Variants in PHLDB3 observed in about 807,000 individuals in gnomAD.
PHLDB3 encodes pleckstrin homology-like domain family B member 3.
A neutral mutation model predicts 85.7 loss-of-function variants in PHLDB3; 86 were observed. The observed-to-expected ratio is 1.00, with a 90% CI of 0.84 to 1.20. The LOEUF (loss-of-function observed/expected upper bound fraction) is 1.20, where lower values mean the gene tolerates loss of function less well. PHLDB3 is among the 50% of genes most tolerant of loss of function. The probability of loss-of-function intolerance (pLI) is 0.00; values close to 1 mark genes in which losing one functional copy is unlikely to be tolerated. For synonymous variants in PHLDB3, 376 were observed against 349.8 expected (o/e 1.07, Z -0.83); for missense variants, 995 against 873.0 (o/e 1.14, Z -1.76).
intron 13 of PHLDB3, among the ~76,000 whole-genome samples, chr19:43,481,648 G>A (rs1456355836): frequency 6.6e-6 from 1 of 151,794 alleles, no homozygotes; most frequent in Non-Finnish European, 1.5e-5. Context: ...ACAAACATTA[G>A]CCAGGCATGG....
rs1971601852 is a variant in PHLDB3 at position 43,501,680 on chromosome 19, C to T, written c.534+54G>A. 5.1e-6 allele frequency: 8 copies of T among 1,558,340 alleles called. No individual in the cohort carries two copies. The South Asian group carries it at 8.2e-5, about 16-fold the overall frequency. ...GCGCAGGTGGCTAGGAGCACACCAA[C>T]ATCCATGGACCAGGAAGGACACTGC... On this transcript the variant is annotated intron_variant, in intron 4 of 15. Coordinates refer to ENST00000292140, the MANE Select transcript of PHLDB3 (RefSeq NM_198850.4).
chr19:43,498,963 C>T (rs919548950), intron 4 of PHLDB3, among the ~76,000 whole-genome samples: 7 of 152,028 alleles, frequency 4.6e-5, no homozygotes, highest in African/African-American at 2.4e-5. Context: ...AAGGCCAGCT[C>T]GTCCAGCTCA....
At chr19:43,501,459 A>G in intron 4 of PHLDB3, 1 of 533,016 alleles carries the variant, frequency 1.9e-6, no homozygotes, top group Non-Finnish European at 3.2e-6. Flanking sequence ...TGCTATGATT[A>G]CAGGCGTGAG....
chr19:43,490,545 G>A (rs574960632), intron 9 of PHLDB3, among the ~76,000 whole-genome samples: 3 of 152,202 alleles, frequency 2.0e-5, no homozygotes, highest in South Asian at 2.1e-4. Context: ...GCGACAGAGC[G>A]AGACTGTCTC....
In PHLDB3 at chr19:43,501,830, C is replaced by T; in HGVS notation, c.438G>A (p.Gly146=). ...CCTCCCGGCGAGCGGCCACTCGCTCCCCAGCCAGCTCACCCCGCAGCAAGG... is the reference window on the plus strand; with the variant it reads ...CCTCCCGGCGAGCGGCCACTCGCTCTCCAGCCAGCTCACCCCGCAGCAAGG... ...EVALLRGELA[G]ERVAARREEE... The change falls in exon 4 of 16, where the codon GGG becomes GGA. Residue 146 remains glycine (G), a synonymous_variant. Transcript: ENST00000292140. The T allele has an allele frequency of 6.3e-7, 1 of 1,591,292 alleles. No individual in the cohort carries two copies. The highest frequency in any genetic ancestry group is 2.3e-5 in the East Asian group (1 of 43,498).
intron 3 of PHLDB3, 106 bp downstream of exon 3, chr19:43,501,995 G>A (rs1971614730): frequency 2.0e-6 from 3 of 1,488,474 alleles, no homozygotes; most frequent in Non-Finnish European, 2.7e-6. Flanking sequence ...GGGAGGAAGA[G>A]CGGAGGGCCT....
At chr19:43,493,261 A>C (rs1971361563) in intron 9 of PHLDB3, among the ~76,000 whole-genome samples, 1 of 146,640 alleles carries the variant, frequency 6.8e-6, no homozygotes, top group African/African-American at 2.6e-5. Context: ...CCTGGCAATA[A>C]GAGTGAAACT....
intron 15 of PHLDB3, 88 bp downstream of exon 15, chr19:43,477,959 T>G (rs1970962395): frequency 9.2e-7 from 1 of 1,084,856 alleles, no homozygotes. Flanking sequence ...TGCGGGTGGC[T>G]TTCCCCAGGA....
rs767939251 is a variant in PHLDB3 at position 43,475,409 on chromosome 19, C to A, written c.*1G>T. On this transcript the variant is annotated 3_prime_UTR_variant, in exon 16 of 16. Coordinates refer to ENST00000292140, the MANE Select transcript of PHLDB3 (RefSeq NM_198850.4). ...ACTTCCCCCCAAGAGGGCGGGGCCA[C>A]TCAGGGGGCGTGGTTTTCGTCAGCG... 6.2e-7 allele frequency: 1 copy of A among 1,613,876 alleles called. No homozygotes were observed.
intron 13 of PHLDB3, among the ~76,000 whole-genome samples, chr19:43,482,621 C>A (rs1376604894): frequency 6.6e-6 from 1 of 152,166 alleles, no homozygotes; most frequent in Non-Finnish European, 1.5e-5. Flanking sequence ...TCATTGCAAC[C>A]TCTGCTTCCC....
chr19:43,487,468 G>A (rs537192418), intron 9 of PHLDB3, among the ~76,000 whole-genome samples: 19 of 150,464 alleles, frequency 1.3e-4, no homozygotes, highest in African/African-American at 3.4e-4. Flanking sequence ...CCAGCTACTC[G>A]GGAGGCTGAG....
chr19:43,479,553 A>G lies in PHLDB3; in HGVS notation c.1526T>C (p.Leu509Ser). Reference sequence around the variant, plus strand: ...TCCCTCCAGATGCTGCCGGAGATCCAAGATTCGCGGGCCTGGAGGGTGGGG... The same window carrying G: ...TCCCTCCAGATGCTGCCGGAGATCCGAGATTCGCGGGCCTGGAGGGTGGGG... Reference protein sequence around the residue: ...TPPHPPGPRILDLRQHLEGWG... With the variant: ...TPPHPPGPRISDLRQHLEGWG... The change falls in exon 14 of 16, where the codon TTG becomes TCG. Residue 509 changes from leucine to serine, a missense_variant. Coordinates refer to ENST00000292140, the MANE Select transcript of PHLDB3 (RefSeq NM_198850.4). The G allele has an allele frequency of 7.8e-7, 1 of 1,283,430 alleles. No homozygotes were observed. Among genetic ancestry groups the G allele is most frequent in the African/African-American group, 1.6e-5 (1 of 64,238 alleles). The allele number at this position is 1,283,430 out of a possible 1,614,324, so 79.5% of individuals were successfully genotyped here.
At chr19:43,499,024 G>A (rs1971529650) in intron 4 of PHLDB3, among the ~76,000 whole-genome samples, 1 of 152,124 alleles carries the variant, frequency 6.6e-6, no homozygotes, top group Admixed American at 6.6e-5. Flanking sequence ...AGGACTGAAA[G>A]GATGGGGTAG....
At chr19:43,475,634 TGG>T in intron 15 of PHLDB3, 90 bp from the exon 16 acceptor site, 2 of 1,526,348 alleles carry the variant, frequency 1.3e-6, no homozygotes, top group Admixed American at 3.8e-5. Flanking sequence ...ATAGTCTGTG[TGG>T]CACTGGACAA....
At chr19:43,504,243 G>A (rs1242098948) in intron 1 of PHLDB3, 111 bp from the exon 2 acceptor site, 1 of 977,028 alleles carries the variant, frequency 1.0e-6, no homozygotes, top group African/African-American at 1.7e-5. Flanking sequence ...CGGGGCCTAA[G>A]AGTTCAAAGG....
chr19:43,487,143 A>G lies in PHLDB3; in HGVS notation c.1150-20T>C, dbSNP rs1473863179. ...GGAGCCCTGAAAACACAAAAGGCTC[A>G]TGAGCATAGGAAAAAGGCTTGATCT... is the stretch of plus-strand genomic sequence containing the variant. On this transcript the variant is annotated intron_variant, in intron 9 of 15. Coordinates refer to ENST00000292140, the MANE Select transcript of PHLDB3 (RefSeq NM_198850.4). The G allele has an allele frequency of 1.3e-6, 2 of 1,549,550 alleles. No homozygotes were observed. Among genetic ancestry groups the G allele is most frequent in the Non-Finnish European group, 1.7e-6 (2 of 1,144,692 alleles).
chr19:43,487,830 G>T (rs929538629), intron 9 of PHLDB3, among the ~76,000 whole-genome samples: 1 of 151,996 alleles, frequency 6.6e-6, no homozygotes, highest in African/African-American at 2.4e-5. Context: ...ATAGGGACGT[G>T]AATTATGCCT....
intron 4 of PHLDB3, among the ~76,000 whole-genome samples, chr19:43,499,485 G>A (rs1212829885): frequency 6.6e-6 from 1 of 152,060 alleles, no homozygotes; most frequent in Non-Finnish European, 1.5e-5. Flanking sequence ...TCTGGATCTG[G>A]GTGAGAAGGG....
intron 13 of PHLDB3, 195 bp downstream of exon 13, chr19:43,486,071 G>A (rs996040202): frequency 1.0e-6 from 1 of 985,260 alleles, no homozygotes; most frequent in South Asian, 4.7e-5. Context: ...CCGAGGACCT[G>A]CCACACATGG....
Sources: allele counts gnomAD v4.1 joint callset (sites outside exome capture counted in the v4.1 genomes callset), GRCh38; gene constraint gnomAD v4.1.1; transcripts MANE v1.5; gene names NCBI Gene and HGNC (gene_info 2026-07-23, HGNC 2026-07-21).